Variants in TRIM43 observed in about 807,000 individuals in gnomAD.
TRIM43 encodes tripartite motif containing 43, also known as tripartite motif-containing protein 43.
Under a neutral mutation model 27.7 loss-of-function variants are expected in TRIM43, and 12 were observed. The ratio of observed to expected loss-of-function variants is 0.43; its 90% CI spans 0.28 to 0.70. The LOEUF (loss-of-function observed/expected upper bound fraction) is 0.70. TRIM43 is among the 30% of genes least tolerant of loss of function. The pLI, the probability that TRIM43 is intolerant of heterozygous loss-of-function variation, is 0.17. For missense variants in TRIM43, 186 were observed against 356.5 expected (o/e 0.52, Z 3.85); for synonymous variants, 64 against 121.9 (o/e 0.52, Z 3.13).
Position 95,594,038 on chromosome 2 carries a change from C to A in TRIM43, c.15C>A (p.Phe5Leu), listed in dbSNP as rs757746891. The A allele has an allele frequency of 2.5e-6, 4 of 1,612,974 alleles. No homozygotes were observed. Among genetic ancestry groups the A allele is most frequent in the Non-Finnish European group, 3.4e-6 (4 of 1,179,602 alleles). Residue 5 changes from phenylalanine (F) to leucine (L), a missense_variant, in exon 2 of 7, where the codon TTC (phenylalanine) becomes TTA (leucine). Around this residue, in one of 6 missense-constraint regions of TRIM43, gnomAD observed 41 missense variants for 46.1 expected, o/e 0.89. Transcript: ENST00000272395. The stretch of plus-strand genomic sequence containing the variant: ...TCCTTAGGAAAATGGACTCAGACTT[C>A]TCACATGCCTTCCAGAAGGAACTCA... MDSD[F>L]SHAFQKELTC...
intron 3 of TRIM43, 110 bp from the exon 4 acceptor site, chr2:95,596,092 T>G: frequency 7.9e-7 from 1 of 1,266,832 alleles, no homozygotes; most frequent in East Asian, 2.5e-5. Context: ...CTCATCATCC[T>G]GTTTGTAAAG....
chr2:95,593,910 A>T, intron 1 of TRIM43, 110 bp from the exon 2 acceptor site: 1 of 1,531,366 alleles, frequency 6.5e-7, no homozygotes, highest in South Asian at 1.3e-5. Flanking sequence ...TAAAGCCTAT[A>T]CTTCTTTAGA....
At position 95,593,302 on chromosome 2, in the gene TRIM43, T is replaced by C. The variant is rs981497291; in HGVS notation, c.-4-718T>C. On this transcript the variant is annotated intron_variant, in intron 1 of 6. Transcript: ENST00000272395. The stretch of plus-strand genomic sequence containing the variant: ...TATCATTATCTTTTTGTAAATTGAA[T>C]TAATTGTCTTTTAAGGATGTTGTAA... Among the ~76,000 whole-genome samples the C allele has an allele frequency of 2.6e-5, 4 of 152,044 alleles. No individual in the cohort carries two copies. In the South Asian group the frequency reaches 8.3e-4, roughly 32 times the overall value.
At position 95,595,760 on chromosome 2, in the gene TRIM43, G is replaced by A. The variant is rs1454148589; in HGVS notation, c.508-442G>A. 2.6e-5 allele frequency among the ~76,000 whole-genome samples: 4 copies of A among 151,658 alleles called. No homozygotes were observed. In the East Asian group the frequency reaches 7.7e-4, roughly 29 times the overall value. On this transcript the variant is annotated intron_variant, in intron 3 of 6. Transcript: ENST00000272395. ...CAGAAGAAAGATAGGAGACAGAAAA[G>A]AGGTAGTCAGTTTGAGAGATGGGGG...
chr2:95,593,527 G>T (rs1200007119), intron 1 of TRIM43, among the ~76,000 whole-genome samples: 4 of 151,856 alleles, frequency 2.6e-5, no homozygotes, highest in Non-Finnish European at 5.9e-5. Flanking sequence ...CAAAGTATGA[G>T]TTCTGCTCTA....
rs750636823 is a variant in TRIM43, at chr2:95,596,313, G to A, written c.619G>A (p.Glu207Lys). The change falls in exon 4 of 7, where the codon GAG (glutamate) becomes AAG (lysine). Residue 207 changes from glutamate to lysine, a missense_variant. Physicochemically the swap from Glu to Lys is moderately conservative, Grantham distance 56. This residue lies in a region of TRIM43 where 1 missense variants were observed against 17.4 expected (regional missense o/e 0.06). Transcript: ENST00000272395. ...HLERLNKEYQ[E>K]IFQQLQRSWV... is the part of the protein sequence containing the mutation. Reference sequence around the variant, plus strand: ...AGAGAGACTGAACAAGGAATACCAAGAGATTTTTCAGCAACTCCAGAGAAG... The same window carrying A: ...AGAGAGACTGAACAAGGAATACCAAAAGATTTTTCAGCAACTCCAGAGAAG... 6.2e-7 allele frequency: 1 copy of A among 1,608,486 alleles called. No homozygotes were observed. The highest frequency in any genetic ancestry group is 2.2e-5 in the East Asian group (1 of 44,638).
intron 3 of TRIM43, among the ~76,000 whole-genome samples, chr2:95,595,507 A>G (rs1363692205): frequency 6.6e-6 from 1 of 151,412 alleles, no homozygotes; most frequent in East Asian, 1.9e-4. Context: ...TCGGGTGGGA[A>G]CAGTAATTTA....
At chr2:95,594,709 G>A (rs1209890270) in intron 2 of TRIM43, among the ~76,000 whole-genome samples, 1 of 150,486 alleles carries the variant, frequency 6.6e-6, no homozygotes, top group African/African-American at 2.5e-5. Flanking sequence ...CCAGTGCAAA[G>A]AAAGGTATTT....
At chr2:95,596,471 G>A in intron 4 of TRIM43, 39 bp downstream of exon 4, 2 of 1,528,208 alleles carry the variant, frequency 1.3e-6, no homozygotes. Flanking sequence ...CTTTGTGTTA[G>A]CTGACCTTTA....
intron 1 of TRIM43, 41 bp from the exon 2 acceptor site, chr2:95,593,979 C>T: frequency 6.4e-7 from 1 of 1,555,508 alleles, no homozygotes; most frequent in African/African-American, 1.4e-5. Context: ...CTTTGTCTCT[C>T]CAGGGTAGAA....
At chr2:95,595,745 A>T (rs930676964) in intron 3 of TRIM43, among the ~76,000 whole-genome samples, 1 of 151,528 alleles carries the variant, frequency 6.6e-6, no homozygotes, top group African/African-American at 2.4e-5. Flanking sequence ...CAGAAGAAAG[A>T]TAGGAGACAG....
In TRIM43 at chr2:95,596,537, C is replaced by T. The variant is rs542567811; in HGVS notation, c.738+105C>T. On this transcript the variant is annotated intron_variant, in intron 4 of 6. Coordinates refer to ENST00000272395, the MANE Select transcript of TRIM43 (RefSeq NM_138800.3). ...ATTATTTCCTCATCTCCTGTACTGA[C>T]GGTGAGAGTCATTCCCACCGGTTAT... 31 of 1,455,458 alleles carry T rather than the reference C, an allele frequency of 2.1e-5. 2 individuals are homozygous for T. The African/African-American group carries it at 2.7e-4, about 13-fold the overall frequency. 90.2% of individuals were successfully genotyped at this position (1,455,458 alleles called of 1,614,324 possible).
At position 95,592,341 on chromosome 2, in the gene TRIM43, A is replaced by G. The variant is rs957803698; in HGVS notation, c.-5+192A>G. 4.6e-5 allele frequency among the ~76,000 whole-genome samples: 7 copies of G among 151,706 alleles called. 1 individual carries two copies. The highest frequency in any genetic ancestry group is 1.7e-4 in the African/African-American group (7 of 41,278). ...TAATCCATAGGTTTATGGATTAAAC[A>G]TGGGCCACCATGTTCAGCTATTTAT... is the stretch of plus-strand genomic sequence containing the variant. On this transcript the variant is annotated intron_variant, in intron 1 of 6. Coordinates refer to ENST00000272395, the MANE Select transcript of TRIM43 (RefSeq NM_138800.3).
intron 3 of TRIM43, among the ~76,000 whole-genome samples, chr2:95,595,498 C>T (rs1476259219): frequency 2.6e-5 from 4 of 151,116 alleles, no homozygotes; most frequent in Non-Finnish European, 4.4e-5. Flanking sequence ...GGGAAGAAAT[C>T]GGGTGGGAAC....
intron 3 of TRIM43, among the ~76,000 whole-genome samples, chr2:95,595,610 G>A (rs1312931181): frequency 2.0e-5 from 3 of 150,276 alleles, no homozygotes; most frequent in Admixed American, 2.0e-4. Context: ...AAAAGCTGAG[G>A]AGAAGGGATA....
In TRIM43 at chr2:95,594,510, A is replaced by G. The variant is rs528805446; in HGVS notation, c.411+76A>G. The G allele has an allele frequency of 5.7e-6, 9 of 1,568,200 alleles. No individual in the cohort carries two copies. In the Admixed American group the frequency reaches 9.0e-5, roughly 16 times the overall value. ...AGATATTAGAAGGATGATGAGAATCATGGTGATTACTCCATTCTTTACTGA... is the reference window on the plus strand; with the variant it reads ...AGATATTAGAAGGATGATGAGAATCGTGGTGATTACTCCATTCTTTACTGA... On this transcript the variant is annotated intron_variant, in intron 2 of 6. Coordinates refer to ENST00000272395, the MANE Select transcript of TRIM43 (RefSeq NM_138800.3).
intron 2 of TRIM43, 33 bp from the exon 3 acceptor site, chr2:95,595,017 T>A (rs1275989443): frequency 6.3e-7 from 1 of 1,597,060 alleles, no homozygotes; most frequent in Admixed American, 1.7e-5. Flanking sequence ...GGCATTTGAC[T>A]TTCTGTTGTT....
rs368756267 is a variant in TRIM43, at chr2:95,596,366, A to G, written c.672A>G (p.Lys224=). Residue 224 remains lysine, a synonymous_variant, in exon 4 of 7, where the codon AAA becomes AAG. Coordinates refer to ENST00000272395, the MANE Select transcript of TRIM43 (RefSeq NM_138800.3). The stretch of plus-strand genomic sequence containing the variant: ...GGGTCAAAATGGATCAAAAGAGTAA[A>G]CACTTGAAAGAAATGTATCAGGAAC... ...RSWVKMDQKS[K]HLKEMYQELM... is the part of the protein sequence containing the mutation. 2 of 1,606,340 alleles carry G rather than the reference A, an allele frequency of 1.2e-6. No homozygotes were observed. Among genetic ancestry groups the G allele is most frequent in the Non-Finnish European group, 1.7e-6 (2 of 1,175,682 alleles).
At chr2:95,594,486 G>A in intron 2 of TRIM43, 52 bp downstream of exon 2, 1 of 1,592,954 alleles carries the variant, frequency 6.3e-7, no homozygotes, top group Non-Finnish European at 8.5e-7. Flanking sequence ...CAGAGTTAAA[G>A]ATATTAGAAG....
Sources: gnomAD v4.1 joint callset for allele counts (sites outside exome capture counted in the v4.1 genomes callset) on GRCh38, gnomAD v4.1.1 for gene constraint, gnomAD v4.1.1 regional missense constraint, MANE v1.5 for transcripts, NCBI Gene and HGNC (gene_info 2026-07-23, HGNC 2026-07-21) for gene names.